SLC9B1: variants seen among roughly 807,000 people sequenced by gnomAD.
SLC9B1 encodes the protein sodium/hydrogen exchanger 9B1.
Under a neutral mutation model 51.7 loss-of-function variants are expected in SLC9B1, and 32 were observed. That is an observed-to-expected ratio of 0.62 (90% CI 0.47 to 0.83). SLC9B1 has a LOEUF of 0.83. Ranked by LOEUF, SLC9B1 falls within the 40% of genes least tolerant of loss-of-function variation. The pLI, the probability that SLC9B1 is intolerant of heterozygous loss-of-function variation, is 0.00. For synonymous variants in SLC9B1, 145 were observed against 212.7 expected (o/e 0.68, Z 2.77); for missense variants, 406 against 613.2 (o/e 0.66, Z 3.57).
chr4:102,994,066 T>G (rs1029574165), intron 1 of SLC9B1, among the ~76,000 whole-genome samples: 1 of 152,154 alleles, frequency 6.6e-6, no homozygotes, highest in Admixed American at 6.5e-5. Context: ...ATTTTCCCCA[T>G]TGTCTTGGTG....
intron 1 of SLC9B1, among the ~76,000 whole-genome samples, chr4:102,998,823 C>G (rs1263100011): frequency 6.6e-6 from 1 of 152,038 alleles, no homozygotes; most frequent in African/African-American, 2.4e-5. Context: ...TTGCATATAT[C>G]TTTTTTGGAG....
intron 11 of SLC9B1, chr4:102,887,651 C>T (rs1186315427): frequency 5.4e-6 from 2 of 373,348 alleles, no homozygotes; most frequent in African/African-American, 4.1e-5. Flanking sequence ...ACAATAAAAT[C>T]ACTTCTGATT....
At chr4:102,964,095 C>T (rs1560955364) in intron 3 of SLC9B1, among the ~76,000 whole-genome samples, 2 of 151,758 alleles carry the variant, frequency 1.3e-5, no homozygotes, top group Non-Finnish European at 2.9e-5. Flanking sequence ...ACACTAATTC[C>T]CAAAATCAAG....
chr4:102,984,560 C>G (rs1560520133), intron 3 of SLC9B1, among the ~76,000 whole-genome samples: 1 of 152,082 alleles, frequency 6.6e-6, no homozygotes, highest in African/African-American at 2.4e-5. Context: ...GGTCTGAGAG[C>G]AGAGATTGCA....
At chr4:102,990,781 C>G (rs756393192) in intron 2 of SLC9B1, among the ~76,000 whole-genome samples, 21 of 152,026 alleles carry the variant, frequency 1.4e-4, no homozygotes, top group Non-Finnish European at 3.1e-4. Flanking sequence ...TGCATGGACA[C>G]ATTGAGGAAG....
intron 7 of SLC9B1, among the ~76,000 whole-genome samples, chr4:102,924,501 A>AACATAG (rs1434115746): frequency 6.6e-6 from 1 of 152,150 alleles, no homozygotes; most frequent in African/African-American, 2.4e-5. Context: ...GCATGGGCAA[A>AACATAG]GAATTAATGA....
At chr4:102,910,235 T>G (rs1735274406) in intron 9 of SLC9B1, among the ~76,000 whole-genome samples, 1 of 152,140 alleles carries the variant, frequency 6.6e-6, no homozygotes, top group African/African-American at 2.4e-5. Context: ...AAGCCTGATG[T>G]GATTAACTCA....
chr4:102,983,931 A>G (rs1041066743), intron 3 of SLC9B1, among the ~76,000 whole-genome samples: 74 of 151,970 alleles, frequency 4.9e-4, no homozygotes, highest in Admixed American at 1.6e-3. Flanking sequence ...TTTGAACTCA[A>G]TTAGCTCTTT....
In SLC9B1 at chr4:102,907,608, A is replaced by G. The variant is rs189150544; in HGVS notation, c.1087-964T>C. Reference sequence around the variant, plus strand: ...TTAAAACGTTACAGGAAAGGCCCCTATTGGCCTACATTACTCTGGCTCTTC... The same window carrying G: ...TTAAAACGTTACAGGAAAGGCCCCTGTTGGCCTACATTACTCTGGCTCTTC... On this transcript the variant is annotated intron_variant, in intron 9 of 11. Coordinates refer to ENST00000296422, the MANE Select transcript of SLC9B1 (RefSeq NM_139173.4). Among the ~76,000 whole-genome samples, 108 of 152,338 alleles carry G rather than the reference A, an allele frequency of 7.1e-4. 1 individual carries two copies. The highest frequency in any genetic ancestry group is 4.4e-5 in the Non-Finnish European group (3 of 68,032).
intron 11 of SLC9B1, 66 bp downstream of exon 11, chr4:102,905,448 T>G: frequency 1.3e-6 from 2 of 1,482,062 alleles, no homozygotes; most frequent in Non-Finnish European, 1.9e-6. Context: ...AGAGTAACAT[T>G]TTTCATTTTA....
intron 3 of SLC9B1, among the ~76,000 whole-genome samples, chr4:102,974,006 C>A (rs371561715): frequency 1.3e-5 from 2 of 151,832 alleles, no homozygotes; most frequent in African/African-American, 4.8e-5. Flanking sequence ...GAGGTCAAGG[C>A]GGGCGGATTA....
intron 3 of SLC9B1, among the ~76,000 whole-genome samples, chr4:102,982,811 CA>C (rs1739427351): frequency 6.6e-6 from 1 of 152,064 alleles, no homozygotes; most frequent in Non-Finnish European, 1.5e-5. Context: ...TTTACCGATA[CA>C]ATCATCTTAT....
At chr4:102,927,603 A>T (rs1736252113) in intron 7 of SLC9B1, among the ~76,000 whole-genome samples, 1 of 152,222 alleles carries the variant, frequency 6.6e-6, no homozygotes, top group African/African-American at 2.4e-5. Flanking sequence ...ATGGAGAAAT[A>T]GGAACACTTT....
intron 3 of SLC9B1, among the ~76,000 whole-genome samples, chr4:102,955,895 A>G (rs935995091): frequency 5.7e-5 from 7 of 123,892 alleles, no homozygotes; most frequent in East Asian, 2.4e-4. Flanking sequence ...GAAAGAAAGA[A>G]AGAAAGAGAG....
chr4:102,991,789 G>A (rs1005958877), intron 1 of SLC9B1, 77 bp from the exon 2 acceptor site: 1 of 1,012,980 alleles, frequency 9.9e-7, no homozygotes, highest in Non-Finnish European at 1.4e-6. Context: ...TGGTTAAGTG[G>A]GATTAATTTT....
At chr4:102,955,901 GA>G (rs1560950262) in intron 3 of SLC9B1, among the ~76,000 whole-genome samples, 2 of 70,470 alleles carry the variant, frequency 2.8e-5, no homozygotes, top group Non-Finnish European at 5.4e-5. Flanking sequence ...AAGAAAGAAA[GA>G]GAGAGAAAGA....
rs541522803 is a variant in SLC9B1, at chr4:102,925,406, G to T, written c.829+6718C>A. Among the ~76,000 whole-genome samples, 8 of 152,212 alleles carry T rather than the reference G, an allele frequency of 5.3e-5. No homozygotes were observed. The South Asian group carries it at 1.5e-3, about 28-fold the overall frequency. On this transcript the variant is annotated intron_variant, in intron 7 of 11. Transcript: ENST00000296422. ...ACATCACACACTGGGGCCTGTCATG[G>T]AGTGTGGGGAGGGAGGGGATAGCAT... is the stretch of plus-strand genomic sequence containing the variant.
Position 103,019,678 on chromosome 4 carries a change from C to T in SLC9B1, c.-81G>A. The T allele has an allele frequency of 1.0e-6, 1 of 985,514 alleles. No individual in the cohort carries two copies. The allele number at this position is 985,514 out of a possible 1,614,324, so 61.0% of individuals were successfully genotyped here. ...ACCGTTGCGTAAGCCACGCGCCACC[C>T]AGGTGGGCAGGGTGGTGACGCGAAA... On this transcript the variant is annotated 5_prime_UTR_variant, in exon 1 of 12. Coordinates refer to ENST00000296422, the MANE Select transcript of SLC9B1 (RefSeq NM_139173.4).
chr4:102,985,478 G>C (rs1021785342), intron 3 of SLC9B1, among the ~76,000 whole-genome samples: 8 of 151,232 alleles, frequency 5.3e-5, no homozygotes, highest in African/African-American at 1.9e-4. Context: ...ATAAATTTTT[G>C]TAATGGTTGC....
Sources: gnomAD v4.1 joint callset for allele counts (sites outside exome capture counted in the v4.1 genomes callset) on GRCh38, gnomAD v4.1.1 for gene constraint, MANE v1.5 for transcripts, NCBI Gene and HGNC (gene_info 2026-07-23, HGNC 2026-07-21) for gene names.